The following ACADL variants were observed in gnomAD, a reference collection of about 807,000 sequenced individuals.
The protein encoded by ACADL is acyl-CoA dehydrogenase long chain.
ACADL carries 60 observed loss-of-function variants against 56.9 expected under a neutral mutation model. That is an observed-to-expected ratio of 1.05 (90% CI 0.86 to 1.31). The LOEUF is 1.31. ACADL is among the 50% of genes most tolerant of loss of function. ACADL has a pLI of 0.00. For missense variants in ACADL, 484 were observed against 525.5 expected, an observed-to-expected ratio of 0.92 and a Z score of 0.77; for synonymous variants, 158 against 179.7, an observed-to-expected ratio of 0.88 and a Z score of 0.97.
rs1442950328 is a variant in ACADL at position 210,195,191 on chromosome 2, A to C, written c.1112+20T>G. On this transcript the variant is annotated intron_variant, in intron 9 of 10. Coordinates refer to ENST00000233710, the MANE Select transcript of ACADL (RefSeq NM_001608.4). ...TCAGTCTGAGCACACACCGCACTCT[A>C]ATTACTGTAGCATGCATACCAATAT... 1 of 1,613,662 alleles carries C rather than the reference A, an allele frequency of 6.2e-7. No homozygotes were observed. The highest frequency in any genetic ancestry group is 1.7e-5 in the Admixed American group (1 of 59,946).
At chr2:210,204,807 T>C in intron 6 of ACADL, 125 bp from the exon 7 acceptor site, 1 of 768,380 alleles carries the variant, frequency 1.3e-6, no homozygotes, top group African/African-American at 1.7e-5. Context: ...CAAGTTGGAG[T>C]AGTTAATGAA....
At chr2:210,225,042 G>T in intron 1 of ACADL, 145 bp downstream of exon 1, 2 of 1,479,504 alleles carry the variant, frequency 1.4e-6, no homozygotes, top group South Asian at 2.6e-5. Flanking sequence ...CAGGAAAGGA[G>T]GCCAGCTCTA....
At chr2:210,210,587 G>A (rs949745114) in intron 4 of ACADL, among the ~76,000 whole-genome samples, 5 of 152,238 alleles carry the variant, frequency 3.3e-5, no homozygotes, top group African/African-American at 7.2e-5. Context: ...CTGAGATTAC[G>A]TGTCACCATG....
At chr2:210,193,191 T>G (rs1559632715) in intron 9 of ACADL, among the ~76,000 whole-genome samples, 1 of 152,176 alleles carries the variant, frequency 6.6e-6, no homozygotes, top group Non-Finnish European at 1.5e-5. Context: ...TAGAAAAACA[T>G]GCAGTAAAGA....
In ACADL at chr2:210,210,264, T is replaced by G. The variant is rs779117591; in HGVS notation, c.537-2A>C. On this transcript the variant is annotated splice_acceptor_variant, in intron 4 of 10. Coordinates refer to ENST00000233710, the MANE Select transcript of ACADL (RefSeq NM_001608.4). LOFTEE classifies it high-confidence loss of function. ...TTTGTTTTTATTCCCTGTAAGTCAC[T>G]GTAATTGAAAGAAAAGATAAAAAAT... The G allele has an allele frequency of 1.2e-6, 2 of 1,602,058 alleles. No individual in the cohort carries two copies. Among genetic ancestry groups the G allele is most frequent in the East Asian group, 2.2e-5 (1 of 44,690 alleles).
chr2:210,219,845 A>G (rs1439502647), intron 2 of ACADL, among the ~76,000 whole-genome samples: 2 of 152,114 alleles, frequency 1.3e-5, no homozygotes, highest in Non-Finnish European at 2.9e-5. Flanking sequence ...ACTTTACTAC[A>G]AAGTAGACAT....
intron 1 of ACADL, among the ~76,000 whole-genome samples, chr2:210,221,271 C>A (rs1689172128): frequency 6.6e-6 from 1 of 151,820 alleles, no homozygotes; most frequent in African/African-American, 2.4e-5. Context: ...AGATGCAAAC[C>A]ATGTTGATGT....
intron 8 of ACADL, among the ~76,000 whole-genome samples, chr2:210,199,371 T>G (rs1418524435): frequency 1.3e-5 from 2 of 152,182 alleles, no homozygotes; most frequent in Non-Finnish European, 2.9e-5. Flanking sequence ...TACTGCCACC[T>G]ACTGAAAGTT....
chr2:210,214,509 A>AAGAAAGAAAGAAAGAAAGAAAGAG (rs1553690970), intron 4 of ACADL, among the ~76,000 whole-genome samples: 136 of 18,934 alleles, frequency 7.2e-3, no homozygotes, highest in Admixed American at 0.02. Flanking sequence ...GAAAGAAAGA[A>AAGAAAGAAAGAAAGAAAGAAAGAG]AAAGAAAGAA....
rs544457170 is a variant in ACADL at position 210,195,137 on chromosome 2, G to T, written c.1112+74C>A. ...GATTTCTTCCTTTAAGACCCTCAAG[G>T]CTGAGCTTAAAATTGGCAGAATTCC... is the stretch of plus-strand genomic sequence containing the variant. On this transcript the variant is annotated intron_variant, in intron 9 of 10. Transcript: ENST00000233710. 7 of 1,587,906 alleles carry T rather than the reference G, an allele frequency of 4.4e-6. No homozygotes were observed. In the South Asian group the frequency reaches 7.7e-5, roughly 18 times the overall value.
chr2:210,205,204 T>G (rs1688863352), intron 6 of ACADL, among the ~76,000 whole-genome samples: 6 of 152,032 alleles, frequency 3.9e-5, no homozygotes, highest in Admixed American at 1.3e-4. Context: ...TTTTTTATTA[T>G]TAGTAGAGAT....
At position 210,213,497 on chromosome 2, in the gene ACADL, TA is replaced by T. The variant is rs943982776; in HGVS notation, c.536+2849del. On this transcript the variant is annotated intron_variant, in intron 4 of 10. Coordinates refer to ENST00000233710, the MANE Select transcript of ACADL (RefSeq NM_001608.4). ...CCTGGGTGACAAGAGCGAGACTGTT[TA>T]AAAAAAAAAAATTCTTCTATACAGG... Among the ~76,000 whole-genome samples the T allele has an allele frequency of 3.6e-3, 524 of 146,732 alleles. 11 individuals are homozygous for T. In the East Asian group the frequency reaches 0.047, roughly 13 times the overall value.
intron 2 of ACADL, among the ~76,000 whole-genome samples, 162 bp downstream of exon 2, chr2:210,220,485 C>T (rs1449419027): frequency 1.3e-5 from 2 of 152,062 alleles, no homozygotes; most frequent in Admixed American, 6.5e-5. Flanking sequence ...TTAAAAAGCT[C>T]TAAGAATCCT....
At chr2:210,192,924 G>A in intron 9 of ACADL, 34 bp from the exon 10 acceptor site, 2 of 1,540,520 alleles carry the variant, frequency 1.3e-6, no homozygotes, top group Non-Finnish European at 1.8e-6. Context: ...GAAAAGAAAT[G>A]TTTGAAATGG....
intron 4 of ACADL, among the ~76,000 whole-genome samples, chr2:210,215,292 A>G (rs1689067436): frequency 1.3e-5 from 2 of 152,108 alleles, no homozygotes; most frequent in Non-Finnish European, 2.9e-5. Flanking sequence ...TCACTCCCAT[A>G]AAAGGTAACT....
chr2:210,198,452 A>G (rs959948130), intron 8 of ACADL, among the ~76,000 whole-genome samples: 8 of 152,138 alleles, frequency 5.3e-5, no homozygotes, highest in African/African-American at 1.9e-4. Flanking sequence ...CCTCTCCCTA[A>G]TTCTTTATGC....
At chr2:210,200,599 TACTG>T (rs1002396561) in intron 8 of ACADL, among the ~76,000 whole-genome samples, 2 of 152,228 alleles carry the variant, frequency 1.3e-5, no homozygotes, top group African/African-American at 4.8e-5. Flanking sequence ...AGTCAAGTCA[TACTG>T]TTTTGTTAAA....
At chr2:210,213,589 T>C (rs561669719) in intron 4 of ACADL, among the ~76,000 whole-genome samples, 1 of 152,290 alleles carries the variant, frequency 6.6e-6, no homozygotes, top group South Asian at 2.1e-4. Context: ...AATTTTTGAA[T>C]GTTATATATG....
chr2:210,221,781 T>C (rs1176289092), intron 1 of ACADL, among the ~76,000 whole-genome samples: 1 of 151,540 alleles, frequency 6.6e-6, no homozygotes, highest in African/African-American at 2.4e-5. Context: ...CAGGCTGGAA[T>C]GCAGTGATGC....
Sources: allele counts gnomAD v4.1 joint callset (sites outside exome capture counted in the v4.1 genomes callset), GRCh38; gene constraint gnomAD v4.1.1; transcripts MANE v1.5; gene names NCBI Gene and HGNC (gene_info 2026-07-23, HGNC 2026-07-21).